The following B3GLCT variants were observed in gnomAD, a reference collection of about 807,000 sequenced individuals.
B3GLCT encodes beta 3-glucosyltransferase, also known as beta-1,3-glucosyltransferase.
In B3GLCT, 65 loss-of-function variants were observed where a neutral mutation model predicts 63.4. The ratio of observed to expected loss-of-function variants is 1.03; its 90% confidence interval spans 0.84 to 1.26. The LOEUF is 1.26. Ranked by LOEUF, B3GLCT falls within the 50% of genes most tolerant of loss-of-function variation. The probability of loss-of-function intolerance (pLI) is 0.00; values close to 1 mark genes in which losing one functional copy is unlikely to be tolerated. For synonymous variants in B3GLCT, 233 were observed against 219.2 expected (o/e 1.06, Z -0.55); for missense variants, 577 against 604.8 (o/e 0.95, Z 0.48).
chr13:31,216,480 A>G (rs899071605), intron 2 of B3GLCT, among the ~76,000 whole-genome samples: 1 of 151,760 alleles, frequency 6.6e-6, no homozygotes, highest in Non-Finnish European at 1.5e-5. Context: ...CAAGGGGTAC[A>G]TGTGCAGGTT....
chr13:31,220,813 A>G lies in B3GLCT; in HGVS notation c.121-2139A>G, dbSNP rs7982688. Among the ~76,000 whole-genome samples the G allele has an allele frequency of 1.0e-3, 155 of 152,364 alleles. 1 individual carries two copies. Among genetic ancestry groups the G allele is most frequent in the African/African-American group, 3.3e-3 (139 of 41,578 alleles). ...ATTTTTGTTGCTATTCTTTGATTTCACAAAGATAGCTATCTGATGGAAAGT... is the reference window on the plus strand; with the variant it reads ...ATTTTTGTTGCTATTCTTTGATTTCGCAAAGATAGCTATCTGATGGAAAGT... On this transcript the variant is annotated intron_variant, in intron 2 of 14. Transcript: ENST00000343307.
chr13:31,254,005 T>C (rs991903977), intron 6 of B3GLCT, among the ~76,000 whole-genome samples: 1 of 152,110 alleles, frequency 6.6e-6, no homozygotes, highest in African/African-American at 2.4e-5. Flanking sequence ...AATAGACCAA[T>C]AGCAAGTTCT....
chr13:31,269,931 A>G (rs531984428), intron 8 of B3GLCT, among the ~76,000 whole-genome samples: 147 of 152,206 alleles, frequency 9.7e-4, no homozygotes, highest in African/African-American at 3.3e-3. Context: ...TTTAGACTCC[A>G]CTCAGTCTAT....
chr13:31,317,986 A>AT (rs1875142297), intron 13 of B3GLCT, among the ~76,000 whole-genome samples: 2 of 151,850 alleles, frequency 1.3e-5, no homozygotes, highest in Non-Finnish European at 1.5e-5. Context: ...GGAAAAAAAA[A>AT]ATTGGTTATA....
intron 6 of B3GLCT, among the ~76,000 whole-genome samples, chr13:31,255,689 G>A (rs1234889705): frequency 6.6e-6 from 1 of 152,028 alleles, no homozygotes; most frequent in Admixed American, 6.5e-5. Flanking sequence ...CCTGATGAAA[G>A]CAATAGGGAA....
intron 14 of B3GLCT, among the ~76,000 whole-genome samples, chr13:31,327,180 G>T (rs1354863955): frequency 6.6e-6 from 1 of 152,162 alleles, no homozygotes; most frequent in Non-Finnish European, 1.5e-5. Context: ...TAGAAAGTAG[G>T]CAGAGTAAGA....
At chr13:31,207,592 A>G (rs773671071) in intron 1 of B3GLCT, among the ~76,000 whole-genome samples, 139 of 152,092 alleles carry the variant, frequency 9.1e-4, no homozygotes, top group Admixed American at 1.1e-3. Context: ...TTCCTGTAAA[A>G]TATATTTACT....
intron 4 of B3GLCT, among the ~76,000 whole-genome samples, chr13:31,242,632 A>T (rs912606): frequency 1.3e-5 from 2 of 152,006 alleles, no homozygotes; most frequent in Admixed American, 1.3e-4. Context: ...GCCAGGATTC[A>T]AAGGAATTTG....
At chr13:31,264,720 A>T (rs978965448) in intron 7 of B3GLCT, among the ~76,000 whole-genome samples, 1 of 152,230 alleles carries the variant, frequency 6.6e-6, no homozygotes, top group Admixed American at 6.5e-5. Context: ...AGGATAAAGT[A>T]TTCATTAGCC....
intron 12 of B3GLCT, among the ~76,000 whole-genome samples, chr13:31,314,416 C>G (rs1482662168): frequency 6.6e-6 from 1 of 152,232 alleles, no homozygotes; most frequent in Non-Finnish European, 1.5e-5. Flanking sequence ...CCACCTCTTG[C>G]ATCAGTGTTA....
At position 31,277,894 on chromosome 13, in the gene B3GLCT, A is replaced by G. The variant is rs115369739; in HGVS notation, c.850+1123A>G. 3.1e-3 allele frequency among the ~76,000 whole-genome samples: 465 copies of G among 152,306 alleles called. 2 individuals carry two copies. Among genetic ancestry groups the G allele is most frequent in the African/African-American group, 0.011 (444 of 41,574 alleles). On this transcript the variant is annotated intron_variant, in intron 10 of 14. Transcript: ENST00000343307. ...CATTTGTTATGCAACAAGTCCTAAGATACTGTGAAGAATCAGTATAGCAGT... is the reference window on the plus strand; with the variant it reads ...CATTTGTTATGCAACAAGTCCTAAGGTACTGTGAAGAATCAGTATAGCAGT...
chr13:31,226,895 A>G (rs543253320), intron 3 of B3GLCT, among the ~76,000 whole-genome samples: 8 of 152,336 alleles, frequency 5.3e-5, no homozygotes, highest in African/African-American at 1.9e-4. Flanking sequence ...GAAATTAAAT[A>G]CCATTAACAC....
chr13:31,246,942 T>C, intron 4 of B3GLCT, 81 bp from the exon 5 acceptor site: 1 of 1,038,514 alleles, frequency 9.6e-7, no homozygotes, highest in Non-Finnish European at 1.4e-6. Context: ...TTTTCTTTTC[T>C]TTTCTTTTCT....
At chr13:31,226,507 C>T (rs1384243506) in intron 3 of B3GLCT, among the ~76,000 whole-genome samples, 1 of 152,188 alleles carries the variant, frequency 6.6e-6, no homozygotes, top group African/African-American at 2.4e-5. Flanking sequence ...CTGTTGTCTT[C>T]AATGAGAAGA....
chr13:31,256,349 C>T (rs1871738186), intron 6 of B3GLCT, among the ~76,000 whole-genome samples: 1 of 152,146 alleles, frequency 6.6e-6, no homozygotes, highest in African/African-American at 2.4e-5. Flanking sequence ...ATTAGTTCAA[C>T]CATTGTGGAA....
chr13:31,288,518 C>T (rs1873468048), intron 12 of B3GLCT, among the ~76,000 whole-genome samples: 1 of 152,220 alleles, frequency 6.6e-6, no homozygotes, highest in Non-Finnish European at 1.5e-5. Flanking sequence ...ATTCACCCTT[C>T]TGCTGCCACC....
chr13:31,272,799 G>A (rs901847857), intron 8 of B3GLCT, among the ~76,000 whole-genome samples: 7 of 151,984 alleles, frequency 4.6e-5, no homozygotes, highest in African/African-American at 1.7e-4. Context: ...CTTAGATATT[G>A]TCATTATTTT....
chr13:31,234,818 A>G (rs376205966), intron 4 of B3GLCT, among the ~76,000 whole-genome samples: 3 of 152,054 alleles, frequency 2.0e-5, no homozygotes, highest in Non-Finnish European at 4.4e-5. Context: ...CCTGGTCTCT[A>G]TTACAGTTAA....
chr13:31,298,385 T>C (rs1219488943), intron 12 of B3GLCT, among the ~76,000 whole-genome samples: 1 of 152,240 alleles, frequency 6.6e-6, no homozygotes, highest in East Asian at 1.9e-4. Context: ...TATATTGTAT[T>C]AATGTTTCCC....
Sources: allele counts gnomAD v4.1 joint callset (sites outside exome capture counted in the v4.1 genomes callset), GRCh38; gene constraint gnomAD v4.1.1; transcripts MANE v1.5; gene names NCBI Gene and HGNC (gene_info 2026-07-23, HGNC 2026-07-21).